Variants in ESRRG observed in about 807,000 individuals in gnomAD.
ESRRG encodes the protein estrogen related receptor gamma.
A neutral mutation model predicts 44.0 loss-of-function variants in ESRRG; 13 were observed. That is an observed-to-expected ratio of 0.30 (90% confidence interval 0.19 to 0.47). The LOEUF is 0.47. Among genes scored for constraint, ESRRG ranks in the 20% least tolerant of loss-of-function variants. The pLI, the probability that ESRRG is intolerant of heterozygous loss-of-function variation, is 1.00. For missense variants in ESRRG, 395 were observed against 580.6 expected, an observed-to-expected ratio of 0.68 and a Z score of 3.29; for synonymous variants, 215 against 214.6, an observed-to-expected ratio of 1.00 and a Z score of -0.02.
At chr1:216,510,570 C>T (rs1452016311) in intron 6 of ESRRG, among the ~76,000 whole-genome samples, 5 of 152,100 alleles carry the variant, frequency 3.3e-5, no homozygotes, top group African/African-American at 4.8e-5. Flanking sequence ...TAAAATACTG[C>T]CCTTCTCTAT....
chr1:217,103,419 G>A (rs754715378), intron 1 of ESRRG, among the ~76,000 whole-genome samples: 9 of 151,612 alleles, frequency 5.9e-5, no homozygotes, highest in Non-Finnish European at 1.0e-4. Flanking sequence ...GCCAAGGTAG[G>A]AGGATCACTT....
At chr1:216,970,523 G>C (rs1467361815) in intron 1 of ESRRG, among the ~76,000 whole-genome samples, 1 of 152,138 alleles carries the variant, frequency 6.6e-6, no homozygotes, top group Non-Finnish European at 1.5e-5. Context: ...CAATTTTTAT[G>C]TGGTTCTTTT....
At chr1:217,067,827 T>C (rs1201211929) in intron 1 of ESRRG, among the ~76,000 whole-genome samples, 5 of 152,112 alleles carry the variant, frequency 3.3e-5, no homozygotes, top group African/African-American at 9.7e-5. Context: ...ACATGACTAA[T>C]AAAGTCTCAT....
chr1:216,588,722 GTAC>G (rs1558669652), intron 3 of ESRRG, among the ~76,000 whole-genome samples: 5 of 152,106 alleles, frequency 3.3e-5, no homozygotes, highest in Admixed American at 1.3e-4. Flanking sequence ...AAGAGCATCA[GTAC>G]TATCATTTGA....
chr1:216,875,151 T>C (rs2096329336), intron 2 of ESRRG, among the ~76,000 whole-genome samples: 1 of 152,212 alleles, frequency 6.6e-6, no homozygotes, highest in African/African-American at 2.4e-5. Flanking sequence ...ACATATATTC[T>C]ATTCATTCTC....
intron 3 of ESRRG, among the ~76,000 whole-genome samples, chr1:216,596,212 GTAA>G (rs2058415106): frequency 6.6e-6 from 1 of 152,160 alleles, no homozygotes. Flanking sequence ...ACTGCCCAAA[GTAA>G]TAAAGACTTC....
At chr1:217,018,683 C>T (rs2079819296) in intron 1 of ESRRG, among the ~76,000 whole-genome samples, 1 of 152,156 alleles carries the variant, frequency 6.6e-6, no homozygotes, top group African/African-American at 2.4e-5. Flanking sequence ...ATCCCTTCTG[C>T]TATGACTGTC....
rs1365823329 is a variant in ESRRG at position 216,519,028 on chromosome 1, T to A, written c.1132+124A>T. ...CTTTTCACTAGAAAGCTATACTGAT[T>A]ATAATTTTGCTGACTCATACAAAAT... On this transcript the variant is annotated intron_variant, in intron 6 of 6. Transcript: ENST00000408911. 8.1e-6 allele frequency: 6 copies of A among 744,420 alleles called. No homozygotes were observed. The African/African-American group carries it at 1.1e-4, about 13-fold the overall frequency. The allele number at this position is 744,420 out of a possible 1,614,324, so 46.1% of individuals were successfully genotyped here. A position where few individuals can be genotyped will look rare whatever the true frequency, so the allele number is the denominator to read the frequency against.
At chr1:216,812,449 C>A (rs1395802232) in intron 2 of ESRRG, among the ~76,000 whole-genome samples, 1 of 151,988 alleles carries the variant, frequency 6.6e-6, no homozygotes. Flanking sequence ...TTCTGCAGAG[C>A]TGTGTGTTCA....
intron 6 of ESRRG, among the ~76,000 whole-genome samples, chr1:216,508,554 C>T (rs958395634): frequency 5.3e-5 from 8 of 152,184 alleles, no homozygotes; most frequent in African/African-American, 1.9e-4. Flanking sequence ...AGTCACTCCC[C>T]AACATACGCC....
At chr1:217,033,496 C>A (rs1310480938) in intron 1 of ESRRG, among the ~76,000 whole-genome samples, 1 of 151,880 alleles carries the variant, frequency 6.6e-6, no homozygotes, top group East Asian at 1.9e-4. Context: ...GTTTGGATGT[C>A]TTTTTTTTAA....
intron 1 of ESRRG, among the ~76,000 whole-genome samples, chr1:217,012,821 C>A (rs1454611527): frequency 6.6e-6 from 1 of 152,092 alleles, no homozygotes; most frequent in Admixed American, 6.6e-5. Context: ...TCATAGTTTG[C>A]CCTAGGGCTA....
chr1:216,538,430 C>A (rs2149231154), intron 5 of ESRRG, among the ~76,000 whole-genome samples: 1 of 152,030 alleles, frequency 6.6e-6, no homozygotes, highest in Non-Finnish European at 1.5e-5. Context: ...TAGAGCTCTT[C>A]CTGGCACCTA....
At chr1:216,578,485 A>C (rs2062098777) in intron 3 of ESRRG, among the ~76,000 whole-genome samples, 3 of 152,112 alleles carry the variant, frequency 2.0e-5, no homozygotes, top group Non-Finnish European at 4.4e-5. Flanking sequence ...GAGAGAAATA[A>C]AGTGGAGTCT....
chr1:217,113,076 A>C (rs148376631), intron 1 of ESRRG, among the ~76,000 whole-genome samples: 201 of 152,370 alleles, frequency 1.3e-3, no homozygotes, highest in Non-Finnish European at 2.3e-3. Flanking sequence ...GCCCACTTAG[A>C]CTAAAAGAGA....
intron 2 of ESRRG, among the ~76,000 whole-genome samples, chr1:216,899,040 A>G (rs1440300654): frequency 1.3e-5 from 2 of 152,158 alleles, no homozygotes; most frequent in Admixed American, 6.5e-5. Context: ...GACTGGAAAC[A>G]TCTCCTAAGG....
intron 1 of ESRRG, among the ~76,000 whole-genome samples, chr1:217,004,858 A>G (rs918286139): frequency 6.6e-6 from 1 of 152,174 alleles, no homozygotes; most frequent in Non-Finnish European, 1.5e-5. Context: ...TCACTTTGAA[A>G]TCACGGGACT....
intron 1 of ESRRG, among the ~76,000 whole-genome samples, chr1:217,074,799 C>T (rs747184013): frequency 5.9e-5 from 9 of 152,144 alleles, no homozygotes; most frequent in Non-Finnish European, 1.2e-4. Context: ...AAAAGTAAAA[C>T]ACTATACTAT....
rs1553259361 is a variant in ESRRG at position 217,051,214 on chromosome 1, G to GT, written c.-106+38292_-106+38293insA. Among the ~76,000 whole-genome samples the GT allele has an allele frequency of 5.2e-5, 6 of 116,070 alleles. No individual in the cohort carries two copies. In the South Asian group the frequency reaches 2.3e-3, roughly 45 times the overall value. 76.1% of individuals were successfully genotyped at this position (116,070 alleles called of 152,430 possible). A position where few individuals can be genotyped will look rare whatever the true frequency, so the allele number is the denominator to read the frequency against. Reference sequence around the variant, plus strand: ...AGTGGATAATGGGGGCGGGGGGGGGGGGTGCCAGGGGAATTGTAAGACTGG... The same window carrying GT: ...AGTGGATAATGGGGGCGGGGGGGGGGTGGTGCCAGGGGAATTGTAAGACTGG... On this transcript the variant is annotated intron_variant, in intron 1 of 7. Transcript: ENST00000359162.
Sources: gnomAD v4.1 joint callset for allele counts (sites outside exome capture counted in the v4.1 genomes callset) on GRCh38, gnomAD v4.1.1 for gene constraint, MANE v1.5 for transcripts, NCBI Gene and HGNC (gene_info 2026-07-23, HGNC 2026-07-21) for gene names.